Variants in PID1 observed in about 807,000 individuals in gnomAD.
PID1 encodes PTB-containing, cubilin and LRP1-interacting protein.
In PID1, 10 loss-of-function variants were observed where a neutral mutation model predicts 19.1. That is an observed-to-expected ratio of 0.52 (90% CI 0.32 to 0.89). PID1 has a LOEUF of 0.89. Among genes scored for constraint, PID1 ranks in the 40% least tolerant of loss-of-function variants. The probability of loss-of-function intolerance (pLI) is 0.03; values close to 1 mark genes in which losing one functional copy is unlikely to be tolerated. For synonymous variants in PID1, 130 were observed against 116.0 expected, an observed-to-expected ratio of 1.12 and a Z score of -0.78; for missense variants, 248 against 285.3, an observed-to-expected ratio of 0.87 and a Z score of 0.94.
chr2:229,151,108 T>G (rs1292007906), intron 2 of PID1, among the ~76,000 whole-genome samples: 1 of 152,026 alleles, frequency 6.6e-6, no homozygotes, highest in African/African-American at 2.4e-5. Context: ...AACTAGCCCT[T>G]ACATTTTTTT....
chr2:229,232,678 A>G (rs1267772386), intron 1 of PID1, among the ~76,000 whole-genome samples: 1 of 150,084 alleles, frequency 6.7e-6, no homozygotes, highest in African/African-American at 2.4e-5. Context: ...TGTGTGTGCT[A>G]TGTATGTATA....
intron 1 of PID1, among the ~76,000 whole-genome samples, chr2:229,212,517 G>T (rs1172806893): frequency 6.6e-6 from 1 of 152,196 alleles, no homozygotes; most frequent in African/African-American, 2.4e-5. Context: ...AGGGCAGCTG[G>T]ATTTGGAGAA....
chr2:229,210,211 C>T (rs1691698174), intron 1 of PID1, among the ~76,000 whole-genome samples: 1 of 150,592 alleles, frequency 6.6e-6, no homozygotes, highest in Admixed American at 6.6e-5. Context: ...AAGGAGGTGA[C>T]ACAAAAACCT....
chr2:229,097,509 A>AT (rs1282305617), intron 2 of PID1, among the ~76,000 whole-genome samples: 5 of 152,206 alleles, frequency 3.3e-5, no homozygotes, highest in Non-Finnish European at 7.3e-5. Flanking sequence ...CACTGAAAGC[A>AT]TAAGAATCAG....
At chr2:229,208,838 T>C (rs1250760050) in intron 1 of PID1, among the ~76,000 whole-genome samples, 1 of 152,114 alleles carries the variant, frequency 6.6e-6, no homozygotes, top group Non-Finnish European at 1.5e-5. Context: ...GAAAGGGTAT[T>C]ATCAGTGCTC....
intron 1 of PID1, among the ~76,000 whole-genome samples, chr2:229,235,361 C>A (rs1692302405): frequency 6.6e-6 from 1 of 152,084 alleles, no homozygotes; most frequent in African/African-American, 2.4e-5. Flanking sequence ...CTCAAGGGAG[C>A]AAAACAGCAG....
At chr2:229,047,182 C>G (rs781631549) in intron 2 of PID1, among the ~76,000 whole-genome samples, 1 of 152,136 alleles carries the variant, frequency 6.6e-6, no homozygotes, top group South Asian at 2.1e-4. Flanking sequence ...ATGTTCATGC[C>G]AAGGATACAG....
chr2:229,042,444 A>G (rs1693790583), intron 2 of PID1, among the ~76,000 whole-genome samples: 1 of 152,162 alleles, frequency 6.6e-6, no homozygotes, highest in South Asian at 2.1e-4. Context: ...TGAAGAGTAA[A>G]TTTAAGATAT....
chr2:229,222,864 A>ACACACACACAC (rs1692001591), intron 1 of PID1, among the ~76,000 whole-genome samples: 1 of 103,904 alleles, frequency 9.6e-6, no homozygotes, highest in African/African-American at 4.4e-5. Flanking sequence ...TTCACACACA[A>ACACACACACAC]ACACACACAC....
chr2:229,185,014 T>C (rs1221835662), intron 1 of PID1, among the ~76,000 whole-genome samples: 1 of 145,060 alleles, frequency 6.9e-6, no homozygotes, highest in South Asian at 2.1e-4. Context: ...ACACTATATA[T>C]ACTATATGTA....
In PID1 at chr2:229,073,564, G is replaced by A. The variant is rs116558245; in HGVS notation, c.178-47456C>T. On this transcript the variant is annotated intron_variant, in intron 2 of 2. Coordinates refer to ENST00000392055, the MANE Select transcript of PID1 (RefSeq NM_001100818.2). ...TAACCCTATCCCCCACGTATTTTGGGGGATTTACAAGTTAGGCTAGAGGAG... is the reference window on the plus strand; with the variant it reads ...TAACCCTATCCCCCACGTATTTTGGAGGATTTACAAGTTAGGCTAGAGGAG... Among the ~76,000 whole-genome samples the A allele has an allele frequency of 1.3e-3, 203 of 152,208 alleles. 2 individuals are homozygous for A. The highest frequency in any genetic ancestry group is 4.6e-3 in the African/African-American group (190 of 41,530).
At chr2:229,082,235 T>C (rs16825663) in intron 2 of PID1, among the ~76,000 whole-genome samples, 3,558 of 152,242 alleles carry the variant, frequency 0.023, 125 homozygotes, top group African/African-American at 0.081. Flanking sequence ...AAAAAGAAGG[T>C]ATAATGTTGC....
At chr2:229,090,147 G>T (rs1261905099) in intron 2 of PID1, among the ~76,000 whole-genome samples, 1 of 152,008 alleles carries the variant, frequency 6.6e-6, no homozygotes, top group Admixed American at 6.6e-5. Flanking sequence ...CAAACAATTT[G>T]CTCATCCACC....
At chr2:229,232,106 C>G in intron 1 of PID1, 3 of 1,480,464 alleles carry the variant, frequency 2.0e-6, no homozygotes, top group Non-Finnish European at 2.7e-6. Flanking sequence ...AGGGGAGGAG[C>G]CCTGATGACT....
chr2:229,236,146 T>C (rs1689661582), intron 1 of PID1, among the ~76,000 whole-genome samples: 1 of 51,882 alleles, frequency 1.9e-5, no homozygotes, highest in Non-Finnish European at 4.0e-5. Context: ...ATATTAGCAA[T>C]GGTTTTTGGC....
At chr2:229,157,440 A>AAT (rs1328590899) in intron 1 of PID1, among the ~76,000 whole-genome samples, 4 of 151,946 alleles carry the variant, frequency 2.6e-5, no homozygotes, top group African/African-American at 9.7e-5. Context: ...CAAAAAAAAA[A>AAT]AAAAAGTCTT....
intron 1 of PID1, among the ~76,000 whole-genome samples, chr2:229,159,663 AC>A (rs1299708132): frequency 1.3e-5 from 2 of 151,952 alleles, no homozygotes; most frequent in East Asian, 3.9e-4. Context: ...CTCTGGCTGA[AC>A]CCCAATTGTT....
chr2:229,147,676 A>G (rs1574667572), intron 2 of PID1, among the ~76,000 whole-genome samples: 1 of 152,202 alleles, frequency 6.6e-6, no homozygotes, highest in Admixed American at 6.5e-5. Context: ...TAAAAATTGT[A>G]TATTATCTTT....
At chr2:229,251,035 C>A (rs923014659) in intron 1 of PID1, among the ~76,000 whole-genome samples, 1 of 152,164 alleles carries the variant, frequency 6.6e-6, no homozygotes, top group Non-Finnish European at 1.5e-5. Flanking sequence ...ACAGTCAGTG[C>A]ACTTTTACCC....
Sources: allele counts gnomAD v4.1 joint callset (sites outside exome capture counted in the v4.1 genomes callset), GRCh38; gene constraint gnomAD v4.1.1; transcripts MANE v1.5; gene names NCBI Gene and HGNC (gene_info 2026-07-23, HGNC 2026-07-21).